Variants in LYPLAL1 observed in about 807,000 individuals in gnomAD.
LYPLAL1 encodes lysophospholipase like 1.
Under a neutral mutation model 19.7 loss-of-function variants are expected in LYPLAL1, and 23 were observed. The observed-to-expected ratio is 1.17, with a 90% confidence interval of 0.84 to 1.65. The LOEUF (loss-of-function observed/expected upper bound fraction) is 1.65. LYPLAL1 is among the 40% of genes most tolerant of loss of function. The pLI is 0.00. For synonymous variants in LYPLAL1, 119 were observed against 96.3 expected, an observed-to-expected ratio of 1.24 and a Z score of -1.38; for missense variants, 355 against 279.4, an observed-to-expected ratio of 1.27 and a Z score of -1.93.
At chr1:219,192,973 A>G in intron 2 of LYPLAL1, 109 bp from the exon 3 acceptor site, 2 of 1,152,494 alleles carry the variant, frequency 1.7e-6, no homozygotes, top group Non-Finnish European at 2.4e-6. Flanking sequence ...AAAACTTAGA[A>G]GAAATTGAAA....
Position 219,179,234 on chromosome 1 carries a change from C to A in LYPLAL1, c.179C>A (p.Thr60Lys). The A allele has an allele frequency of 6.2e-7, 1 of 1,606,326 alleles. No individual in the cohort carries two copies. Among genetic ancestry groups the A allele is most frequent in the Non-Finnish European group, 8.5e-7 (1 of 1,174,108 alleles). ...TFQHIKIIYP[T>K]APPRSYTPMK... ...CAACACATAAAAATTATTTATCCAA[C>A]AGCTCCTCCCAGGTATGCAGTAATT... The change falls in exon 2 of 5, where the codon ACA becomes AAA. Residue 60 changes from threonine (T) to lysine (K), a missense_variant. Coordinates refer to ENST00000366928, the MANE Select transcript of LYPLAL1 (RefSeq NM_138794.5).
At chr1:219,223,216 A>G in the LYPLAL1 span, 4 of 151,860 alleles carry the variant, frequency 2.6e-5, no homozygotes, top group African/African-American at 9.7e-5. Context: ...CAAATAGGAC[A>G]CCATTTGGGT....
At chr1:219,205,695 A>G (rs1658519813) in intron 3 of LYPLAL1, among the ~76,000 whole-genome samples, 1 of 152,220 alleles carries the variant, frequency 6.6e-6, no homozygotes, top group Non-Finnish European at 1.5e-5. Flanking sequence ...GATGAAGTCT[A>G]GCATCAAAAT....
At chr1:219,292,102 C>G in the LYPLAL1 span, among the ~76,000 whole-genome samples, 1 of 152,130 alleles carries the variant, frequency 6.6e-6, no homozygotes, top group Admixed American at 6.5e-5. Flanking sequence ...GTCTTTTGCT[C>G]CTCTTGTACT....
chr1:219,324,822 G>A, the LYPLAL1 span, among the ~76,000 whole-genome samples: 1 of 152,136 alleles, frequency 6.6e-6, no homozygotes, highest in Non-Finnish European at 1.5e-5. Flanking sequence ...TCTAACTGAT[G>A]TTTCACTGAG....
chr1:219,284,601 A>G, the LYPLAL1 span, among the ~76,000 whole-genome samples: 1 of 152,200 alleles, frequency 6.6e-6, no homozygotes, highest in Non-Finnish European at 1.5e-5. Flanking sequence ...AGTAGCAGCA[A>G]CTATACATAT....
chr1:219,320,207 C>T, the LYPLAL1 span, among the ~76,000 whole-genome samples: 1 of 152,128 alleles, frequency 6.6e-6, no homozygotes, highest in Non-Finnish European at 1.5e-5. Flanking sequence ...TAATTTTGCT[C>T]TTTACCTGCT....
chr1:219,405,750 C>T, the LYPLAL1 span, among the ~76,000 whole-genome samples: 3 of 152,214 alleles, frequency 2.0e-5, no homozygotes, highest in Admixed American at 6.5e-5. Context: ...AGCTCATATA[C>T]AGTATGCAAA....
At chr1:219,220,081 C>T in the LYPLAL1 span, among the ~76,000 whole-genome samples, 3 of 151,964 alleles carry the variant, frequency 2.0e-5, no homozygotes, top group Admixed American at 2.0e-4. Context: ...TTTTGTGTCC[C>T]ATTTCAGAAG....
chr1:219,345,114 C>A, the LYPLAL1 span, among the ~76,000 whole-genome samples: 8 of 152,244 alleles, frequency 5.3e-5, no homozygotes, highest in African/African-American at 1.4e-4. Context: ...AGGAATATTT[C>A]TTTCTGTATT....
chr1:219,292,121 G>A, the LYPLAL1 span, among the ~76,000 whole-genome samples: 4 of 152,248 alleles, frequency 2.6e-5, no homozygotes, highest in South Asian at 6.2e-4. Flanking sequence ...CTGCAGCAAT[G>A]TCTTGTCTCT....
the LYPLAL1 span, among the ~76,000 whole-genome samples, chr1:219,296,748 A>G: frequency 1.3e-5 from 2 of 152,230 alleles, no homozygotes; most frequent in Non-Finnish European, 2.9e-5. Context: ...AATATTTACT[A>G]AGAAATCATA....
chr1:219,399,296 G>C, the LYPLAL1 span, among the ~76,000 whole-genome samples: 1 of 152,124 alleles, frequency 6.6e-6, no homozygotes, highest in African/African-American at 2.4e-5. Context: ...TGGTGACTCA[G>C]GTCCAGGGAG....
chr1:219,393,860 T>G, the LYPLAL1 span, among the ~76,000 whole-genome samples: 4 of 151,586 alleles, frequency 2.6e-5, no homozygotes, highest in Non-Finnish European at 5.9e-5. Context: ...TTTTTAAAAT[T>G]TATAAAAAGA....
chr1:219,299,403 G>T, the LYPLAL1 span, among the ~76,000 whole-genome samples: 9 of 152,100 alleles, frequency 5.9e-5, no homozygotes, highest in African/African-American at 2.2e-4. Flanking sequence ...AAAAAAGAAG[G>T]TATCATATGA....
At chr1:219,334,225 G>T in the LYPLAL1 span, among the ~76,000 whole-genome samples, 1 of 151,918 alleles carries the variant, frequency 6.6e-6, no homozygotes, top group Admixed American at 6.6e-5. Flanking sequence ...GTGACTTTGA[G>T]CAACCCTCTT....
the LYPLAL1 span, among the ~76,000 whole-genome samples, chr1:219,306,482 T>C: frequency 2.3e-4 from 35 of 152,318 alleles, 1 homozygote; most frequent in Admixed American, 5.2e-4. Flanking sequence ...AAGACCTTAA[T>C]AGAACATAAA....
At chr1:219,238,304 A>ATTT in the LYPLAL1 span, among the ~76,000 whole-genome samples, 139 of 81,876 alleles carry the variant, frequency 1.7e-3, 7 homozygotes, top group South Asian at 6.3e-3. Context: ...CGCCCGGCTA[A>ATTT]TTTTTTTTTT....
chr1:219,250,090 G>A, the LYPLAL1 span, among the ~76,000 whole-genome samples: 1 of 151,888 alleles, frequency 6.6e-6, no homozygotes. Context: ...GTGGTGTTAA[G>A]GAAATATTTT....
Sources: gnomAD v4.1 joint callset for allele counts (sites outside exome capture counted in the v4.1 genomes callset) on GRCh38, gnomAD v4.1.1 for gene constraint, MANE v1.5 for transcripts, NCBI Gene and HGNC (gene_info 2026-07-23, HGNC 2026-07-21) for gene names.